Variants in IKBIP observed in about 807,000 individuals in gnomAD.
IKBIP encodes inhibitor of nuclear factor kappa-B kinase-interacting protein.
IKBIP carries 28 observed loss-of-function variants against 31.0 expected under a neutral mutation model. The observed-to-expected ratio is 0.90, with a 90% CI of 0.67 to 1.24. IKBIP has a LOEUF of 1.24. IKBIP is among the 50% of genes most tolerant of loss of function. IKBIP has a pLI of 0.00. For synonymous variants in IKBIP, 164 were observed against 160.3 expected (o/e 1.02, Z -0.17); for missense variants, 453 against 441.9 (o/e 1.03, Z -0.23).
chr12:98,616,281 T>C (rs1592986820), intron 2 of IKBIP, among the ~76,000 whole-genome samples: 1 of 152,206 alleles, frequency 6.6e-6, no homozygotes, highest in African/African-American at 2.4e-5. Flanking sequence ...CTGTTGGCCA[T>C]TACTATGTCT....
chr12:98,625,249 T>C lies in IKBIP; in HGVS notation c.*681A>G. On this transcript the variant is annotated 3_prime_UTR_variant, in exon 3 of 3. Transcript: ENST00000299157. ...AGGCCTTATGTAAGAACATACTTACTCTGATTTTAAAAGTCTTACAAGTAT... is the reference window on the plus strand; with the variant it reads ...AGGCCTTATGTAAGAACATACTTACCCTGATTTTAAAAGTCTTACAAGTAT... 1 of 978,752 alleles carries C rather than the reference T, an allele frequency of 1.0e-6. No individual in the cohort carries two copies. The highest frequency in any genetic ancestry group is 1.7e-5 in the African/African-American group (1 of 57,256). 60.6% of individuals were successfully genotyped at this position (978,752 alleles called of 1,614,324 possible).
At chr12:98,618,570 G>C (rs1169074128) in intron 2 of IKBIP, among the ~76,000 whole-genome samples, 2 of 151,502 alleles carry the variant, frequency 1.3e-5, no homozygotes, top group African/African-American at 2.4e-5. Flanking sequence ...AGCTTGCAGT[G>C]AGCCGAGATT....
chr12:98,623,560 C>CTTTTTTTTTTT (rs35433597), downstream of IKBIP, among the ~76,000 whole-genome samples: 1 of 64,190 alleles, frequency 1.6e-5, no homozygotes. Flanking sequence ...CCTCCTTACA[C>CTTTTTTTTTTT]TTTTTTTTTT....
chr12:98,614,426 A>G (rs2097605163), intron 2 of IKBIP: 2 of 777,866 alleles, frequency 2.6e-6, no homozygotes, highest in Non-Finnish European at 3.6e-6. Flanking sequence ...TTTCTTTTTA[A>G]TTTTAATTTT....
chr12:98,620,911 C>T, downstream of IKBIP, among the ~76,000 whole-genome samples: 1 of 151,504 alleles, frequency 6.6e-6, no homozygotes, highest in East Asian at 1.9e-4. Context: ...CAGAAGGCAT[C>T]TTAGGGATTA....
At chr12:98,634,685 T>G (rs1204692162) in intron 1 of IKBIP, among the ~76,000 whole-genome samples, 2 of 151,370 alleles carry the variant, frequency 1.3e-5, no homozygotes, top group East Asian at 3.9e-4. Context: ...TCCATCTCGC[T>G]ATGTTGCCAA....
At position 98,625,156 on chromosome 12, in the gene IKBIP, C is replaced by G. The variant is rs1312318245; in HGVS notation, c.*774G>C. 2.0e-6 allele frequency: 2 copies of G among 985,130 alleles called. No homozygotes were observed. Among genetic ancestry groups the G allele is most frequent in the Non-Finnish European group, 2.4e-6 (2 of 829,806 alleles). The allele number at this position is 985,130 out of a possible 1,614,324, so 61.0% of individuals were successfully genotyped here. The stretch of plus-strand genomic sequence containing the variant: ...GGATCTAGCAAACTCATGTCTAACA[C>G]AGTTGGAACCTAAAACTCAGGTATA... On this transcript the variant is annotated 3_prime_UTR_variant, in exon 3 of 3. Transcript: ENST00000299157.
At chr12:98,614,944 CAT>C (rs2097605464) in intron 2 of IKBIP, among the ~76,000 whole-genome samples, 1 of 152,160 alleles carries the variant, frequency 6.6e-6, no homozygotes, top group Non-Finnish European at 1.5e-5. Context: ...AAATGAGCTA[CAT>C]GAGACAGTGA....
intron 1 of IKBIP, among the ~76,000 whole-genome samples, chr12:98,639,952 C>T (rs76667914): frequency 0.059 from 9,043 of 152,164 alleles, 386 homozygotes; most frequent in Non-Finnish European, 0.089. Flanking sequence ...AAATTATACC[C>T]TTGTCTTTTA....
At chr12:98,630,325 C>T (rs2153298327) in intron 2 of IKBIP, among the ~76,000 whole-genome samples, 1 of 122,882 alleles carries the variant, frequency 8.1e-6, no homozygotes, top group Non-Finnish European at 1.6e-5. Context: ...GCAGAGGTTG[C>T]AGTGACCAGA....
At position 98,644,557 on chromosome 12, in the gene IKBIP, G is replaced by C; in HGVS notation, c.145C>G (p.Leu49Val). ...CCCAGGCACGTCCCCAGCGACAGCA[G>C]GCTCAGGCACGTTCGGGGGTCTGCC... ...GWADPRTCLS[L>V]LSLGTCLGLA... The change falls in exon 1 of 3, where the codon CTG (leucine) becomes GTG (valine). Residue 49 changes from leucine (L) to valine (V), a missense_variant. Leu to Val is a conservative substitution (Grantham distance 32, BLOSUM62 1). Coordinates refer to ENST00000299157, the MANE Select transcript of IKBIP (RefSeq NM_153687.4). 6.2e-7 allele frequency: 1 copy of C among 1,607,910 alleles called. No individual in the cohort carries two copies.
chr12:98,636,892 G>A (rs1051530462), intron 1 of IKBIP, among the ~76,000 whole-genome samples: 4 of 150,166 alleles, frequency 2.7e-5, no homozygotes, highest in East Asian at 1.9e-4. Context: ...CCCTCCTCAC[G>A]CCTTCCTGTC....
downstream of IKBIP, chr12:98,624,139 CATAT>C: frequency 3.4e-6 from 1 of 293,962 alleles, no homozygotes. Context: ...ATAATAACCT[CATAT>C]TAAATGTGGT....
At position 98,634,344 on chromosome 12, in the gene IKBIP, G is replaced by T; in HGVS notation, c.249C>A (p.Thr83=). The T allele has an allele frequency of 6.2e-7, 1 of 1,603,446 alleles. No individual in the cohort carries two copies. The highest frequency in any genetic ancestry group is 1.1e-5 in the South Asian group (1 of 90,468). The change falls in exon 2 of 3, where the codon ACC becomes ACA. Residue 83 remains threonine, a synonymous_variant. Transcript: ENST00000299157. ...TACTTTGAAGTTGTTGGAATTCATTGGTTTCTAGTTTCAGTAACTGGTATT... is the reference window on the plus strand; with the variant it reads ...TACTTTGAAGTTGTTGGAATTCATTTGTTTCTAGTTTCAGTAACTGGTATT... The part of the protein sequence containing the change: ...ENQYQLLKLE[T]NEFQQLQSKI...
Position 98,625,416 on chromosome 12 carries a change from G to T in IKBIP, c.*514C>A. On this transcript the variant is annotated 3_prime_UTR_variant, in exon 3 of 3. Transcript: ENST00000299157. ...CTTTTATTTTACACAAAATTCCCAT[G>T]AACTTGGTTGTGTGGATTCTTAACC... The T allele has an allele frequency of 1.8e-6, 1 of 564,536 alleles. No individual in the cohort carries two copies. The highest frequency in any genetic ancestry group is 2.2e-6 in the Non-Finnish European group (1 of 445,778). 35.0% of individuals were successfully genotyped at this position (564,536 alleles called of 1,614,324 possible). A position where few individuals can be genotyped will look rare whatever the true frequency, so the allele number is the denominator to read the frequency against.
Position 98,624,800 on chromosome 12 carries a change from TTTTA to T in IKBIP, c.*1126_*1129del, listed in dbSNP as rs971333901. 1.7e-4 allele frequency: 145 copies of T among 845,270 alleles called. No individual in the cohort carries two copies. The highest frequency in any genetic ancestry group is 1.9e-4 in the Non-Finnish European group (133 of 702,596). 52.4% of individuals were successfully genotyped at this position (845,270 alleles called of 1,614,324 possible). A position where few individuals can be genotyped will look rare whatever the true frequency, so the allele number is the denominator to read the frequency against. ...CCCTCAAAACAGGCCACAGGCTTAT[TTTTA>T]TTTATTTATTTATTTATTGAGACAG... is the stretch of plus-strand genomic sequence containing the variant. On this transcript the variant is annotated 3_prime_UTR_variant, in exon 3 of 3. Transcript: ENST00000299157.
intron 2 of IKBIP, among the ~76,000 whole-genome samples, chr12:98,630,376 CAAAAAAAAAAAAAAAAAAAAA>C (rs61623957): frequency 1.2e-4 from 5 of 41,300 alleles, no homozygotes; most frequent in South Asian, 8.7e-4. Flanking sequence ...AGAGCCTGGG[CAAAAAAAAAAAAAAAAAAAAA>C]AAAAAAAAAA....
downstream of IKBIP, among the ~76,000 whole-genome samples, chr12:98,623,466 AAC>A (rs2097611640): frequency 6.7e-6 from 1 of 149,882 alleles, no homozygotes; most frequent in Non-Finnish European, 1.5e-5. Flanking sequence ...GCTGGTCTTG[AAC>A]TCCTGAGCTC....
Position 98,626,390 on chromosome 12 carries a change from A to G in IKBIP, c.674T>C (p.Leu225Pro). ...AGAGCCTAGCTGCTCCTCTACTCGC[A>G]GGAGATCTTCTTCTTCTTGTCTTTT... is the stretch of plus-strand genomic sequence containing the variant. The part of the protein sequence containing the change: ...TVKRQEEEDL[L>P]RVEEQLGSDT... Residue 225 changes from leucine to proline, a missense_variant, in exon 3 of 3, where the codon CTG becomes CCG. Transcript: ENST00000299157. 1 of 1,613,806 alleles carries G rather than the reference A, an allele frequency of 6.2e-7. No individual in the cohort carries two copies. The highest frequency in any genetic ancestry group is 8.5e-7 in the Non-Finnish European group (1 of 1,180,002).
Sources: gnomAD v4.1 joint callset for allele counts (sites outside exome capture counted in the v4.1 genomes callset) on GRCh38, gnomAD v4.1.1 for gene constraint, MANE v1.5 for transcripts, NCBI Gene and HGNC (gene_info 2026-07-23, HGNC 2026-07-21) for gene names.